Variants in CTNNA2 observed in about 807,000 individuals in gnomAD.
The protein encoded by CTNNA2 is catenin alpha 2.
A neutral mutation model predicts 101.0 loss-of-function variants in CTNNA2; 42 were observed. The ratio of observed to expected loss-of-function variants is 0.42; its 90% CI spans 0.32 to 0.54. CTNNA2 has a LOEUF of 0.54. Ranked by LOEUF, CTNNA2 falls within the 20% of genes least tolerant of loss-of-function variation. The probability of loss-of-function intolerance (pLI) is 0.14; values close to 1 mark genes in which losing one functional copy is unlikely to be tolerated. For missense variants in CTNNA2, 871 were observed against 1,223.1 expected, an observed-to-expected ratio of 0.71 and a Z score of 4.29; for synonymous variants, 450 against 456.4, an observed-to-expected ratio of 0.99 and a Z score of 0.18.
At chr2:79,323,254 A>G (rs1290910860) in intron 3 of CTNNA2, among the ~76,000 whole-genome samples, 2 of 152,230 alleles carry the variant, frequency 1.3e-5, no homozygotes, top group African/African-American at 2.4e-5. Flanking sequence ...ACATAGGAAG[A>G]TATGACTTTG....
intron 7 of CTNNA2, among the ~76,000 whole-genome samples, chr2:80,271,429 T>TC (rs1673466766): frequency 6.6e-6 from 1 of 151,722 alleles, no homozygotes; most frequent in Admixed American, 6.6e-5. Context: ...GTCTTTTTTT[T>TC]TTTTTTTTCT....
chr2:80,633,087 A>C (rs1264308829), intron 18 of CTNNA2, among the ~76,000 whole-genome samples: 1 of 152,156 alleles, frequency 6.6e-6, no homozygotes, highest in African/African-American at 2.4e-5. Flanking sequence ...CAAGAAATAC[A>C]GGGAATAGCA....
chr2:80,003,830 A>G, intron 7 of CTNNA2, among the ~76,000 whole-genome samples: 1 of 152,124 alleles, frequency 6.6e-6, no homozygotes, highest in South Asian at 2.1e-4. Flanking sequence ...CACATGAGGG[A>G]ATCTATATTG....
chr2:80,500,611 G>A (rs928322994), intron 9 of CTNNA2, among the ~76,000 whole-genome samples: 3 of 151,992 alleles, frequency 2.0e-5, no homozygotes, highest in African/African-American at 7.3e-5. Flanking sequence ...AGTGTGCAGC[G>A]GAATACATTC....
chr2:80,492,879 T>A (rs1687171514), intron 9 of CTNNA2, among the ~76,000 whole-genome samples: 1 of 152,146 alleles, frequency 6.6e-6, no homozygotes, highest in Non-Finnish European at 1.5e-5. Context: ...TTCATACCAC[T>A]CCCATAATTC....
At chr2:79,982,559 C>T (rs1404540385) in intron 7 of CTNNA2, among the ~76,000 whole-genome samples, 1 of 136,514 alleles carries the variant, frequency 7.3e-6, no homozygotes. Flanking sequence ...CCATGTTGCC[C>T]AGTCTTCATG....
At chr2:80,275,134 C>T (rs775657029) in intron 7 of CTNNA2, among the ~76,000 whole-genome samples, 7 of 152,094 alleles carry the variant, frequency 4.6e-5, no homozygotes, top group Non-Finnish European at 1.0e-4. Context: ...TCATAATAAC[C>T]TCCCTTAAGT....
intron 7 of CTNNA2, among the ~76,000 whole-genome samples, chr2:80,358,343 C>CTTTTTTTTT (rs35040432): frequency 1.0e-5 from 1 of 99,716 alleles, no homozygotes; most frequent in Non-Finnish European, 2.1e-5. Flanking sequence ...TAGTATTCTA[C>CTTTTTTTTT]TTTTTTTTTT....
chr2:80,309,726 G>A (rs189873883), intron 7 of CTNNA2, among the ~76,000 whole-genome samples: 9 of 141,868 alleles, frequency 6.3e-5, no homozygotes, highest in South Asian at 2.3e-4. Context: ...ACGGAGTCTC[G>A]CACGGTCACC....
intron 7 of CTNNA2, among the ~76,000 whole-genome samples, chr2:80,153,791 AT>A (rs1703845288): frequency 6.6e-6 from 1 of 152,230 alleles, no homozygotes; most frequent in South Asian, 2.1e-4. Context: ...ACTTTGAATC[AT>A]TTTGTGAAGT....
chr2:80,197,990 C>T (rs1706940560), intron 7 of CTNNA2, among the ~76,000 whole-genome samples: 1 of 152,110 alleles, frequency 6.6e-6, no homozygotes, highest in African/African-American at 2.4e-5. Flanking sequence ...ACCCACTGAA[C>T]ATTTATGACT....
intron 7 of CTNNA2, among the ~76,000 whole-genome samples, chr2:79,923,292 C>T (rs192384608): frequency 9.2e-5 from 14 of 152,214 alleles, no homozygotes; most frequent in African/African-American, 3.1e-4. Context: ...AGTATATCTA[C>T]TTTTTCATAA....
chr2:79,886,750 CAAAAAAAAAAAAA>C (rs1168632966), intron 6 of CTNNA2, among the ~76,000 whole-genome samples: 3 of 23,234 alleles, frequency 1.3e-4, no homozygotes, highest in Non-Finnish European at 2.1e-4. Flanking sequence ...GACTCCATCT[CAAAAAAAAAAAAA>C]AAAAAAAAAA....
At chr2:79,338,653 T>C (rs955441540) in intron 3 of CTNNA2, among the ~76,000 whole-genome samples, 1 of 148,610 alleles carries the variant, frequency 6.7e-6, no homozygotes, top group African/African-American at 2.5e-5. Flanking sequence ...CAAAGATTCC[T>C]CTGGCTGCTC....
intron 12 of CTNNA2, among the ~76,000 whole-genome samples, chr2:80,566,624 T>C (rs1694085773): frequency 6.6e-6 from 1 of 152,070 alleles, no homozygotes; most frequent in Non-Finnish European, 1.5e-5. Flanking sequence ...ACTGAGGCAA[T>C]ATGAAGCCAT....
In CTNNA2 at chr2:80,398,428, G is replaced by A. The variant is rs567498875; in HGVS notation, c.1137+5137G>A. Among the ~76,000 whole-genome samples, 20 of 152,268 alleles carry A rather than the reference G, an allele frequency of 1.3e-4. 1 individual carries two copies. In the South Asian group the frequency reaches 4.1e-3, roughly 32 times the overall value. ...CTGTAAACTGAAACCCTACATAAGA[G>A]CTAATAATCCCTGGAGTTTGGAGTC... On this transcript the variant is annotated intron_variant, in intron 8 of 18. Transcript: ENST00000402739.
chr2:79,853,791 C>T (rs1226454155), intron 3 of CTNNA2, among the ~76,000 whole-genome samples: 3 of 151,798 alleles, frequency 2.0e-5, no homozygotes, highest in Non-Finnish European at 4.4e-5. Context: ...GCCTCAGCCT[C>T]CTGAGTAGCT....
chr2:80,100,889 A>T (rs1244829179), intron 7 of CTNNA2, among the ~76,000 whole-genome samples: 1 of 152,182 alleles, frequency 6.6e-6, no homozygotes, highest in Non-Finnish European at 1.5e-5. Context: ...TTGAGCAAAG[A>T]TCATTTTTCC....
At chr2:79,413,863 T>G (rs1293307011) in intron 4 of CTNNA2, among the ~76,000 whole-genome samples, 2 of 148,342 alleles carry the variant, frequency 1.3e-5, no homozygotes, top group African/African-American at 4.9e-5. Flanking sequence ...TTGTATGTCT[T>G]TTTTGAGAAA....
Sources: allele counts gnomAD v4.1 joint callset (sites outside exome capture counted in the v4.1 genomes callset), GRCh38; gene constraint gnomAD v4.1.1; transcripts MANE v1.5; gene names NCBI Gene and HGNC (gene_info 2026-07-23, HGNC 2026-07-21).